The following NRAP variants were observed in gnomAD, a reference collection of about 807,000 sequenced individuals.
NRAP encodes nebulin related anchoring protein.
A neutral mutation model predicts 225.9 loss-of-function variants in NRAP; 189 were observed. The observed-to-expected ratio is 0.84, with a 90% CI of 0.74 to 0.94. The LOEUF (loss-of-function observed/expected upper bound fraction) is 0.94. Ranked by LOEUF, NRAP falls within the 40% of genes least tolerant of loss-of-function variation. The probability of loss-of-function intolerance (pLI) is 0.00; values close to 1 mark genes in which losing one functional copy is unlikely to be tolerated. For missense variants in NRAP, 2,176 were observed against 2,168.7 expected, an observed-to-expected ratio of 1.00 and a Z score of -0.07; for synonymous variants, 769 against 790.7, an observed-to-expected ratio of 0.97 and a Z score of 0.46.
At chr10:113,602,885 G>T (rs1846690372) in intron 35 of NRAP, among the ~76,000 whole-genome samples, 1 of 152,168 alleles carries the variant, frequency 6.6e-6, no homozygotes, top group Admixed American at 6.5e-5. Context: ...CATTTGTTTG[G>T]CAAGATTTAG....
chr10:113,607,408 A>G (rs1847049435), intron 32 of NRAP, among the ~76,000 whole-genome samples: 2 of 21,708 alleles, frequency 9.2e-5, no homozygotes, highest in Non-Finnish European at 8.3e-5. Flanking sequence ...TCAAAAAAAA[A>G]AAAAAAAAAA....
intron 22 of NRAP, among the ~76,000 whole-genome samples, chr10:113,623,860 C>G (rs958469509): frequency 6.6e-6 from 1 of 152,198 alleles, no homozygotes; most frequent in African/African-American, 2.4e-5. Flanking sequence ...AGAAATTAAA[C>G]TCCAGAAGCC....
intron 10 of NRAP, among the ~76,000 whole-genome samples, chr10:113,646,367 GAA>G (rs949263446): frequency 1.7e-4 from 26 of 152,286 alleles, no homozygotes; most frequent in African/African-American, 6.0e-4. Context: ...GTAAAGGAAA[GAA>G]AAGAGAGTGA....
Position 113,597,231 on chromosome 10 carries a change from T to C in NRAP, c.4333-47A>G, listed in dbSNP as rs752760833. On this transcript the variant is annotated intron_variant, in intron 36 of 41. Transcript: ENST00000359988. ...TCTCATGAAACACAGTCCAACATCATGCATCTTTCAGGGTGCAGCTTCACT... is the reference window on the plus strand; with the variant it reads ...TCTCATGAAACACAGTCCAACATCACGCATCTTTCAGGGTGCAGCTTCACT... 14 of 1,221,338 alleles carry C rather than the reference T, an allele frequency of 1.1e-5. No individual in the cohort carries two copies. The South Asian group carries it at 1.6e-4, about 14-fold the overall frequency. The allele number at this position is 1,221,338 out of a possible 1,614,324, so 75.7% of individuals were successfully genotyped here. A position where few individuals can be genotyped will look rare whatever the true frequency, so the allele number is the denominator to read the frequency against.
rs199564948 is a variant in NRAP, at chr10:113,642,948, T to C, written c.1201A>G (p.Lys401Glu). ...PQFRNVSKIS[K>E]FTSDNKYKEN... ...TAACAACTCACATCACTGGTAAATT[T>C]TGAGATCTTGCTCACGTTCCTGAAT... The change falls in exon 12 of 42, where the codon AAA (lysine) becomes GAA (glutamate). Residue 401 changes from lysine (K) to glutamate (E), a missense_variant. Physicochemically the swap from Lys to Glu is moderately conservative, Grantham distance 56 (BLOSUM62 1). Coordinates refer to ENST00000359988, the MANE Select transcript of NRAP (RefSeq NM_198060.4). The C allele has an allele frequency of 8.8e-6, 14 of 1,589,350 alleles. No individual in the cohort carries two copies. The highest frequency in any genetic ancestry group is 2.7e-5 in the African/African-American group (2 of 74,520).
rs149835518 is a variant in NRAP, at chr10:113,641,327, C to G, written c.1323+38G>C. Reference sequence around the variant, plus strand: ...TGGCTGAATTCTTCATGCCCTGCCCCACTCCATCCCAACAGACCCTGGCAT... The same window carrying G: ...TGGCTGAATTCTTCATGCCCTGCCCGACTCCATCCCAACAGACCCTGGCAT... On this transcript the variant is annotated intron_variant, in intron 13 of 41. Coordinates refer to ENST00000359988, the MANE Select transcript of NRAP (RefSeq NM_198060.4). The G allele has an allele frequency of 3.1e-3, 3,829 of 1,236,890 alleles. 19 individuals carry two copies. The Middle Eastern group carries it at 0.034, about 11-fold the overall frequency. 76.6% of individuals were successfully genotyped at this position (1,236,890 alleles called of 1,614,324 possible).
At position 113,629,084 on chromosome 10, in the gene NRAP, G is replaced by A. The variant is rs1848435837; in HGVS notation, c.2041-63C>T. On this transcript the variant is annotated intron_variant, in intron 19 of 41. Transcript: ENST00000359988. ...TGGATAGAGACAGGACAAAGTTGAT[G>A]GGAGAGTTAAGAAGATCTTGATCCT... 1.1e-5 allele frequency: 13 copies of A among 1,152,524 alleles called. No homozygotes were observed. The South Asian group carries it at 1.5e-4, about 13-fold the overall frequency. 71.4% of individuals were successfully genotyped at this position (1,152,524 alleles called of 1,614,324 possible).
chr10:113,618,927 C>T (rs1777411683), intron 25 of NRAP, among the ~76,000 whole-genome samples: 1 of 152,064 alleles, frequency 6.6e-6, no homozygotes, highest in East Asian at 1.9e-4. Flanking sequence ...GCCTGGTTAA[C>T]AGAACAAGAC....
In NRAP at chr10:113,614,194, G is replaced by T. The variant is rs551484090; in HGVS notation, c.3289C>A (p.Leu1097Met). ...SLAHSVYATS[L>M]QSDVNYKKGF... Reference sequence around the variant, plus strand: ...CTCCCCCCACTTACATCACTCTGCAGTGAGGTCGCATACACTGAATGTGCA... The same window carrying T: ...CTCCCCCCACTTACATCACTCTGCATTGAGGTCGCATACACTGAATGTGCA... The change falls in exon 29 of 42, where the codon CTG becomes ATG. Residue 1097 changes from leucine to methionine, a missense_variant. By Grantham distance (15) the Leu-to-Met change is conservative. Around this residue, in one of 3 missense-constraint regions of NRAP, gnomAD observed 1,708 missense variants for 1,695.5 expected, o/e 1.01. Transcript: ENST00000359988. 6.2e-7 allele frequency: 1 copy of T among 1,611,490 alleles called. No individual in the cohort carries two copies. Among genetic ancestry groups the T allele is most frequent in the Non-Finnish European group, 8.5e-7 (1 of 1,177,536 alleles).
intron 26 of NRAP, among the ~76,000 whole-genome samples, chr10:113,616,754 G>A (rs1337015503): frequency 6.6e-6 from 1 of 152,220 alleles, no homozygotes; most frequent in African/African-American, 2.4e-5. Flanking sequence ...AAGTTGAATG[G>A]TTTGAAGGTA....
rs749650466 is a variant in NRAP, at chr10:113,604,758, G to A, written c.4078C>T (p.Pro1360Ser). The A allele has an allele frequency of 6.2e-7, 1 of 1,614,066 alleles. No individual in the cohort carries two copies. The highest frequency in any genetic ancestry group is 1.3e-5 in the African/African-American group (1 of 74,938). The change falls in exon 35 of 42, where the codon CCC (proline) becomes TCC (serine). Residue 1360 changes from proline to serine, a missense_variant. By Grantham distance (74) the Pro-to-Ser change is moderately conservative. Coordinates refer to ENST00000359988, the MANE Select transcript of NRAP (RefSeq NM_198060.4). ...TGGACCAGGTGCACCATGTCCATGGGCAGATGGAACTGGGCTTGGCTGCTG... is the reference window on the plus strand; with the variant it reads ...TGGACCAGGTGCACCATGTCCATGGACAGATGGAACTGGGCTTGGCTGCTG... ...ATSSQAQFHL[P>S]MDMVHLVHAK...
chr10:113,628,439 A>G (rs1490146222), intron 20 of NRAP, among the ~76,000 whole-genome samples: 1 of 152,082 alleles, frequency 6.6e-6, no homozygotes, highest in Non-Finnish European at 1.5e-5. Context: ...CTGCCCACCT[A>G]GGCCTCCTAA....
intron 39 of NRAP, among the ~76,000 whole-genome samples, chr10:113,591,321 T>C (rs955820632): frequency 6.6e-6 from 1 of 152,232 alleles, no homozygotes; most frequent in African/African-American, 2.4e-5. Context: ...CCTCAAACCA[T>C]CTACAGTGAA....
chr10:113,588,810 C>T lies in NRAP; in HGVS notation c.*165G>A, dbSNP rs1246594406. Reference sequence around the variant, plus strand: ...CACGTCTAGGTATCAGAGAGGACCACAAATACAACATTCTCCATCTGCTTT... The same window carrying T: ...CACGTCTAGGTATCAGAGAGGACCATAAATACAACATTCTCCATCTGCTTT... On this transcript the variant is annotated 3_prime_UTR_variant, in exon 42 of 42. Coordinates refer to ENST00000359988, the MANE Select transcript of NRAP (RefSeq NM_198060.4). 5 of 633,998 alleles carry T rather than the reference C, an allele frequency of 7.9e-6. No homozygotes were observed. The Admixed American group carries it at 1.4e-4, about 18-fold the overall frequency. The allele number at this position is 633,998 out of a possible 1,614,324, so 39.3% of individuals were successfully genotyped here.
intron 5 of NRAP, 75 bp from the exon 6 acceptor site, chr10:113,653,114 C>A: frequency 1.3e-6 from 1 of 763,706 alleles, no homozygotes; most frequent in Non-Finnish European, 2.2e-6. Context: ...GCAATAAAAC[C>A]AATGAAACTA....
chr10:113,623,494 C>A, intron 23 of NRAP, 35 bp downstream of exon 23: 1 of 1,390,188 alleles, frequency 7.2e-7, no homozygotes. Flanking sequence ...AGGCAGGATT[C>A]TGCGGTCTCT....
chr10:113,655,062 C>G (rs1283093713), intron 4 of NRAP, among the ~76,000 whole-genome samples: 3 of 152,108 alleles, frequency 2.0e-5, no homozygotes, highest in African/African-American at 4.8e-5. Context: ...CTTTGGAGAT[C>G]CAGAAAGACA....
intron 29 of NRAP, 55 bp downstream of exon 29, chr10:113,614,128 G>T: frequency 8.8e-7 from 1 of 1,133,354 alleles, no homozygotes; most frequent in Non-Finnish European, 1.3e-6. Flanking sequence ...TTGCCATGCA[G>T]TGAGCGTTGT....
chr10:113,588,865 TG>T lies in NRAP; in HGVS notation c.*109del. The stretch of plus-strand genomic sequence containing the variant: ...GTTATTATTTTAATAAAGGAAGATC[TG>T]GGATGGGCTGGTGGGCCATTCCAGC... On this transcript the variant is annotated 3_prime_UTR_variant, in exon 42 of 42. Transcript: ENST00000359988. 1 of 751,058 alleles carries T rather than the reference TG, an allele frequency of 1.3e-6. No homozygotes were observed. Among genetic ancestry groups the T allele is most frequent in the Non-Finnish European group, 2.3e-6 (1 of 426,970 alleles). 46.5% of individuals were successfully genotyped at this position (751,058 alleles called of 1,614,324 possible). A position where few individuals can be genotyped will look rare whatever the true frequency, so the allele number is the denominator to read the frequency against.
Sources: allele counts gnomAD v4.1 joint callset (sites outside exome capture counted in the v4.1 genomes callset), GRCh38; gene constraint gnomAD v4.1.1; regional missense constraint gnomAD v4.1.1; transcripts MANE v1.5; gene names NCBI Gene and HGNC (gene_info 2026-07-23, HGNC 2026-07-21).